The following CD1A variants were observed in gnomAD, a reference collection of about 807,000 sequenced individuals.
The protein encoded by CD1A is T-cell surface glycoprotein CD1a.
A neutral mutation model predicts 38.3 loss-of-function variants in CD1A; 50 were observed. The observed-to-expected ratio is 1.30, with a 90% CI of 1.04 to 1.65. The LOEUF is 1.65. Among genes scored for constraint, CD1A ranks in the 40% most tolerant of loss-of-function variants. CD1A has a pLI of 0.00. For synonymous variants in CD1A, 160 were observed against 150.8 expected (o/e 1.06, Z -0.45); for missense variants, 459 against 406.1 (o/e 1.13, Z -1.12).
At chr1:158,251,828 G>C (rs1052167159), upstream of CD1A, among the ~76,000 whole-genome samples, 3 of 151,970 alleles carry the variant, frequency 2.0e-5, no homozygotes, top group Admixed American at 2.0e-4. Flanking sequence ...GAGGGCAGCA[G>C]GGCTTTCTGC....
the CD1A span, among the ~76,000 whole-genome samples, chr1:158,248,882 C>T: frequency 3.3e-5 from 5 of 152,212 alleles, no homozygotes; most frequent in Admixed American, 6.5e-5. Flanking sequence ...GGGAAAATTG[C>T]AGACCCACAG....
At chr1:158,255,019 A>T in intron 1 of CD1A, 65 bp from the exon 2 acceptor site, 2 of 1,531,716 alleles carry the variant, frequency 1.3e-6, no homozygotes, top group Non-Finnish European at 9.0e-7. Flanking sequence ...GCACTCTGGC[A>T]CCTTTCTCTC....
At position 158,258,015 on chromosome 1, in the gene CD1A, A is replaced by G; in HGVS notation, c.*325A>G. 3.8e-6 allele frequency: 1 copy of G among 265,170 alleles called. No homozygotes were observed. Among genetic ancestry groups the G allele is most frequent in the South Asian group, 7.2e-5 (1 of 13,838 alleles). The allele number at this position is 265,170 out of a possible 1,614,324, so 16.4% of individuals were successfully genotyped here. On this transcript the variant is annotated 3_prime_UTR_variant, in exon 6 of 6. Coordinates refer to ENST00000289429, the MANE Select transcript of CD1A (RefSeq NM_001763.3). ...CTGTTTTAGATATCCCTTACTCCAG[A>G]GGGCCTTCCCTGACTTACAAGTGGG... is the stretch of plus-strand genomic sequence containing the variant.
chr1:158,254,290 G>A (rs1032796698), upstream of CD1A: 3 of 1,113,504 alleles, frequency 2.7e-6, no homozygotes, highest in Non-Finnish European at 3.3e-6. Context: ...TGGGAGCATT[G>A]GGCAGCACAC....
upstream of CD1A, among the ~76,000 whole-genome samples, chr1:158,252,120 C>T (rs1650106148): frequency 1.3e-5 from 2 of 148,868 alleles, no homozygotes; most frequent in African/African-American, 5.0e-5. Context: ...TGAGCCACCG[C>T]ACCCGGCCAC....
At position 158,256,188 on chromosome 1, in the gene CD1A, T is replaced by G. The variant is rs761080636; in HGVS notation, c.510T>G (p.His170Gln). The change falls in exon 3 of 6, where the codon CAT (histidine) becomes CAG (glutamine). Residue 170 changes from histidine (H) to glutamine (Q), a missense_variant. By Grantham distance (24) the His-to-Gln change is conservative (BLOSUM62 0). Transcript: ENST00000289429. ...HFCKVLNQNQ[H>Q]ENDITHNLLS... ...GCAAAGTGCTCAATCAGAATCAGCA[T>G]GAAAATGACATAACACACAATCTTC... 1 of 1,614,060 alleles carries G rather than the reference T, an allele frequency of 6.2e-7. No homozygotes were observed. The highest frequency in any genetic ancestry group is 1.3e-5 in the African/African-American group (1 of 74,918).
intron 3 of CD1A, 111 bp downstream of exon 3, chr1:158,256,393 G>A: frequency 9.4e-7 from 1 of 1,059,270 alleles, no homozygotes; most frequent in Non-Finnish European, 1.4e-6. Flanking sequence ...GAAAGGCTGG[G>A]TGCAGTGCCT....
Position 158,257,132 on chromosome 1 carries a change from G to A in CD1A, c.883+68G>A. ...GACCTCAGGCATAGAGGGAGGGCAA[G>A]CTGAAAATTTTAGGATTTTAGGGAT... On this transcript the variant is annotated intron_variant, in intron 4 of 5. Transcript: ENST00000289429. 2.6e-6 allele frequency: 4 copies of A among 1,524,066 alleles called. No individual in the cohort carries two copies. In the South Asian group the frequency reaches 5.3e-5, roughly 20 times the overall value. The allele number at this position is 1,524,066 out of a possible 1,614,324, so 94.4% of individuals were successfully genotyped here.
At chr1:158,254,414 G>A (rs1650171636), upstream of CD1A, 3 of 1,326,980 alleles carry the variant, frequency 2.3e-6, no homozygotes, top group South Asian at 4.7e-5. Flanking sequence ...TGAATTAGGG[G>A]AAGGTGAATA....
rs954051328 is a variant in CD1A at position 158,254,556 on chromosome 1, T to G, written c.-114T>G. 8.9e-6 allele frequency: 14 copies of G among 1,572,932 alleles called. No homozygotes were observed. Among genetic ancestry groups the G allele is most frequent in the Admixed American group, 1.7e-5 (1 of 57,420 alleles). ...TTTCTTTGTTGCAGTCAGGGGAGGT[T>G]TGTCTGTTGGCTGCAGAAAGAAGTC... is the stretch of plus-strand genomic sequence containing the variant. On this transcript the variant is annotated 5_prime_UTR_variant, in exon 1 of 6. Transcript: ENST00000289429.
chr1:158,256,927 G>C lies in CD1A; in HGVS notation c.746G>C (p.Arg249Pro), dbSNP rs140268166. The C allele has an allele frequency of 9.4e-5, 152 of 1,614,066 alleles. No homozygotes were observed. Among genetic ancestry groups the C allele is most frequent in the Middle Eastern group, 4.9e-4 (3 of 6,076 alleles). ...GAGCAGGAGCAGCAGGGCACTCAGC[G>C]AGGGGACATCTTGCCCAGTGCTGAT... ...RGEQEQQGTQ[R>P]GDILPSADGT... Residue 249 changes from arginine (R) to proline (P), a missense_variant, in exon 4 of 6, where the codon CGA becomes CCA. Transcript: ENST00000289429.
chr1:158,253,919 A>G (rs1650149700), upstream of CD1A, among the ~76,000 whole-genome samples: 1 of 151,806 alleles, frequency 6.6e-6, no homozygotes, highest in East Asian at 1.9e-4. Context: ...TCTTAAGTGT[A>G]CCAAGATGCT....
intron 4 of CD1A, 39 bp downstream of exon 4, chr1:158,257,103 A>C (rs1232206086): frequency 6.4e-7 from 1 of 1,573,544 alleles, no homozygotes; most frequent in African/African-American, 1.4e-5. Context: ...AATGCCAGGA[A>C]GTGGACCTCA....
At chr1:158,253,868 G>T (rs1001340589), upstream of CD1A, among the ~76,000 whole-genome samples, 1 of 151,978 alleles carries the variant, frequency 6.6e-6, no homozygotes, top group Admixed American at 6.6e-5. Flanking sequence ...TAGAGAAAAA[G>T]CTCCTTCAGT....
chr1:158,254,158 A>T (rs1453167503), upstream of CD1A: 1 of 991,672 alleles, frequency 1.0e-6, no homozygotes, highest in Non-Finnish European at 1.2e-6. Flanking sequence ...GGAGACTCTG[A>T]AAAAGCAAAT....
At chr1:158,254,138 G>A (rs755450985), upstream of CD1A, 21 of 968,336 alleles carry the variant, frequency 2.2e-5, no homozygotes, top group Middle Eastern at 1.6e-3. Flanking sequence ...TGTCGCACAG[G>A]GCAGTCGTAG....
chr1:158,252,667 G>A (rs1650119201), upstream of CD1A, among the ~76,000 whole-genome samples: 1 of 147,714 alleles, frequency 6.8e-6, no homozygotes. Context: ...AGCACTTTGG[G>A]AGGCTGAGGC....
At chr1:158,254,343 A>G (rs530505172), upstream of CD1A, 84 of 1,187,846 alleles carry the variant, frequency 7.1e-5, 1 homozygote, top group Middle Eastern at 1.1e-3. Context: ...TGATTGAGAA[A>G]AAAATGTCCT....
At chr1:158,254,378 C>G, upstream of CD1A, 8 of 1,243,436 alleles carry the variant, frequency 6.4e-6, no homozygotes, top group Non-Finnish European at 8.1e-6. Context: ...CTTTTCAATG[C>G]CACATCAGAC....
Sources: gnomAD v4.1 joint callset for allele counts (sites outside exome capture counted in the v4.1 genomes callset) on GRCh38, gnomAD v4.1.1 for gene constraint, MANE v1.5 for transcripts, NCBI Gene and HGNC (gene_info 2026-07-23, HGNC 2026-07-21) for gene names.